The following SLC41A2 variants were observed in gnomAD, a reference collection of about 807,000 sequenced individuals.
SLC41A2 encodes solute carrier family 41 member 2, also known as SLC41A1-like 1.
SLC41A2 carries 32 observed loss-of-function variants against 58.3 expected under a neutral mutation model. That is an observed-to-expected ratio of 0.55 (90% CI 0.41 to 0.74). The LOEUF (loss-of-function observed/expected upper bound fraction) is 0.74. SLC41A2 is among the 30% of genes least tolerant of loss of function. The pLI, the probability that SLC41A2 is intolerant of heterozygous loss-of-function variation, is 0.00. For missense variants in SLC41A2, 514 were observed against 680.6 expected, an observed-to-expected ratio of 0.76 and a Z score of 2.72; for synonymous variants, 190 against 235.0, an observed-to-expected ratio of 0.81 and a Z score of 1.75.
chr12:104,923,070 CA>C (rs1223514120), intron 2 of SLC41A2, among the ~76,000 whole-genome samples: 1 of 151,362 alleles, frequency 6.6e-6, no homozygotes, highest in Non-Finnish European at 1.5e-5. Flanking sequence ...AATACTATGT[CA>C]AAAAATAGAG....
chr12:104,942,917 G>T (rs76484590), intron 1 of SLC41A2, among the ~76,000 whole-genome samples: 7 of 152,090 alleles, frequency 4.6e-5, no homozygotes, highest in African/African-American at 1.7e-4. Flanking sequence ...CTAAGTAACT[G>T]CAGTTCATTA....
At chr12:104,880,569 A>G (rs1439543197) in intron 6 of SLC41A2, among the ~76,000 whole-genome samples, 3 of 152,176 alleles carry the variant, frequency 2.0e-5, no homozygotes, top group East Asian at 1.9e-4. Flanking sequence ...ATCTATTGAG[A>G]TAACCATGTG....
chr12:104,948,628 C>A (rs1222147092), intron 1 of SLC41A2, among the ~76,000 whole-genome samples: 11 of 152,150 alleles, frequency 7.2e-5, no homozygotes, highest in African/African-American at 2.4e-4. Flanking sequence ...GACTTGAGTT[C>A]ATGACTTTCT....
chr12:104,919,565 T>C (rs879350101), intron 2 of SLC41A2, among the ~76,000 whole-genome samples: 5 of 152,236 alleles, frequency 3.3e-5, no homozygotes, highest in Non-Finnish European at 4.4e-5. Context: ...GATAGTTCAT[T>C]GTGGTTTTCA....
At chr12:104,820,586 A>C (rs1184320504) in intron 10 of SLC41A2, among the ~76,000 whole-genome samples, 1 of 152,240 alleles carries the variant, frequency 6.6e-6, no homozygotes, top group African/African-American at 2.4e-5. Flanking sequence ...TTAACGTTTT[A>C]AATATTTACG....
intron 3 of SLC41A2, among the ~76,000 whole-genome samples, chr12:104,901,641 C>T (rs1354939080): frequency 3.3e-5 from 5 of 152,058 alleles, no homozygotes; most frequent in Admixed American, 3.3e-4. Flanking sequence ...CCACCTCCTC[C>T]CAGGCTCAAG....
chr12:104,878,087 T>C (rs1015404197), intron 6 of SLC41A2, among the ~76,000 whole-genome samples: 4 of 151,886 alleles, frequency 2.6e-5, no homozygotes, highest in African/African-American at 7.3e-5. Flanking sequence ...TAGTTGTTTA[T>C]CTTCTGGAAT....
intron 3 of SLC41A2, among the ~76,000 whole-genome samples, chr12:104,899,451 C>G (rs572747941): frequency 3.8e-4 from 58 of 152,258 alleles, no homozygotes; most frequent in African/African-American, 1.4e-3. Flanking sequence ...AGCTTTCATT[C>G]TAATAGGCAG....
intron 10 of SLC41A2, among the ~76,000 whole-genome samples, chr12:104,840,358 T>C (rs1031591773): frequency 1.3e-5 from 2 of 152,240 alleles, no homozygotes; most frequent in African/African-American, 4.8e-5. Context: ...AAATCAAAGC[T>C]GTGGGTTCAA....
At chr12:104,845,698 C>G in intron 9 of SLC41A2, 145 bp downstream of exon 9, 1 of 640,300 alleles carries the variant, frequency 1.6e-6, no homozygotes, top group Non-Finnish European at 2.4e-6. Context: ...GATACACATG[C>G]CTTTTCATTC....
intron 6 of SLC41A2, among the ~76,000 whole-genome samples, chr12:104,868,981 G>A (rs1161617928): frequency 6.6e-6 from 1 of 152,142 alleles, no homozygotes; most frequent in Non-Finnish European, 1.5e-5. Context: ...GGAGGGGTGG[G>A]ATGAGGAATA....
chr12:104,847,603 C>CAA (rs61636915), intron 8 of SLC41A2, among the ~76,000 whole-genome samples: 4,684 of 86,070 alleles, frequency 0.054, 364 homozygotes, highest in East Asian at 0.15. Context: ...GACTCTGTCT[C>CAA]AAAAAAAAAA....
intron 6 of SLC41A2, among the ~76,000 whole-genome samples, chr12:104,875,018 G>A (rs1392522999): frequency 1.3e-5 from 2 of 152,046 alleles, no homozygotes; most frequent in Admixed American, 1.3e-4. Context: ...TTTCATTAAT[G>A]TTTAATCATT....
intron 8 of SLC41A2, among the ~76,000 whole-genome samples, chr12:104,856,962 A>G (rs1044940235): frequency 6.6e-6 from 1 of 152,192 alleles, no homozygotes; most frequent in Non-Finnish European, 1.5e-5. Flanking sequence ...ATATGATAAA[A>G]TCTAAAAGAT....
At chr12:104,887,722 ATC>A (rs539814050) in intron 5 of SLC41A2, among the ~76,000 whole-genome samples, 54 of 152,012 alleles carry the variant, frequency 3.6e-4, no homozygotes, top group Non-Finnish European at 7.2e-4. Context: ...TTTTGTATGT[ATC>A]ATAGTCCAGT....
intron 7 of SLC41A2, 38 bp from the exon 8 acceptor site, chr12:104,861,408 A>G: frequency 7.0e-7 from 1 of 1,436,960 alleles, no homozygotes; most frequent in South Asian, 1.2e-5. Context: ...GAGAAGAGGG[A>G]AGAGAACATA....
chr12:104,820,945 T>C (rs756298616), intron 10 of SLC41A2, among the ~76,000 whole-genome samples: 10 of 151,986 alleles, frequency 6.6e-5, no homozygotes, highest in Non-Finnish European at 1.3e-4. Context: ...GTGCCCCGCC[T>C]AATGCAGGGA....
intron 6 of SLC41A2, 148 bp downstream of exon 6, chr12:104,886,145 G>T: frequency 2.7e-6 from 2 of 727,682 alleles, no homozygotes; most frequent in Non-Finnish European, 4.3e-6. Context: ...CACATAGTAG[G>T]TATAAAACAA....
intron 2 of SLC41A2, among the ~76,000 whole-genome samples, chr12:104,924,287 G>C (rs752378391): frequency 1.3e-5 from 2 of 152,154 alleles, no homozygotes; most frequent in Admixed American, 1.3e-4. Flanking sequence ...TAAGAATATA[G>C]AGTATTGAGA....
Sources: allele counts gnomAD v4.1 joint callset (sites outside exome capture counted in the v4.1 genomes callset), GRCh38; gene constraint gnomAD v4.1.1; transcripts MANE v1.5; gene names NCBI Gene and HGNC (gene_info 2026-07-23, HGNC 2026-07-21).